WDR7: variants seen among roughly 807,000 people sequenced by gnomAD.
WDR7 encodes WD repeat-containing protein 7.
A neutral mutation model predicts 169.4 loss-of-function variants in WDR7; 46 were observed. That is an observed-to-expected ratio of 0.27 (90% CI 0.21 to 0.35). The LOEUF is 0.35. Ranked by LOEUF, WDR7 falls within the 10% of genes least tolerant of loss-of-function variation. The pLI, the probability that WDR7 is intolerant of heterozygous loss-of-function variation, is 1.00. For synonymous variants in WDR7, 612 were observed against 666.8 expected, an observed-to-expected ratio of 0.92 and a Z score of 1.27; for missense variants, 1,534 against 1,859.3, an observed-to-expected ratio of 0.83 and a Z score of 3.22.
At chr18:56,857,146 C>G (rs868647651) in intron 20 of WDR7, among the ~76,000 whole-genome samples, 42 of 152,114 alleles carry the variant, frequency 2.8e-4, no homozygotes, top group Non-Finnish European at 4.4e-4. Flanking sequence ...AATTACCTTT[C>G]TGTGTTTTTT....
intron 20 of WDR7, among the ~76,000 whole-genome samples, chr18:56,838,273 C>T (rs887356831): frequency 9.9e-5 from 15 of 151,700 alleles, no homozygotes; most frequent in Admixed American, 2.0e-4. Flanking sequence ...TATTTAAGTT[C>T]TTAGACATTT....
chr18:56,737,755 G>C (rs1049437043), intron 14 of WDR7, among the ~76,000 whole-genome samples: 3 of 152,156 alleles, frequency 2.0e-5, no homozygotes, highest in Admixed American at 6.5e-5. Context: ...ATGATTCACT[G>C]TGAAAAGGGC....
intron 20 of WDR7, among the ~76,000 whole-genome samples, chr18:56,858,499 G>A (rs934753751): frequency 4.0e-5 from 6 of 151,512 alleles, no homozygotes; most frequent in East Asian, 1.9e-4. Flanking sequence ...ATTTTTTAAT[G>A]TAGAGACAAG....
chr18:56,890,821 A>T (rs1399063240), intron 21 of WDR7: 1 of 152,142 alleles, frequency 6.6e-6, no homozygotes, highest in Non-Finnish European at 1.5e-5. Flanking sequence ...TCTCACTTGT[A>T]TTTTTATCTT....
At position 56,665,323 on chromosome 18, in the gene WDR7, A is replaced by G. The variant is rs960085457; in HGVS notation, c.-19-7174A>G. 1.9e-4 allele frequency among the ~76,000 whole-genome samples: 28 copies of G among 151,328 alleles called. No individual in the cohort carries two copies. The East Asian group carries it at 3.9e-3, about 21-fold the overall frequency. On this transcript the variant is annotated intron_variant, in intron 1 of 27. Coordinates refer to ENST00000254442, the MANE Select transcript of WDR7 (RefSeq NM_015285.3). ...AAAAAAAAAAAGAAGAAGAAGAAGA[A>G]CTTGGTGTAGGTGTATCTAGGCCAC...
intron 23 of WDR7, among the ~76,000 whole-genome samples, chr18:56,937,789 C>T (rs2046979931): frequency 1.3e-5 from 2 of 152,066 alleles, no homozygotes; most frequent in African/African-American, 4.8e-5. Context: ...CCCTAGCAGT[C>T]AAAAACCCAC....
At chr18:56,656,067 G>T (rs1354864670) in intron 1 of WDR7, among the ~76,000 whole-genome samples, 1 of 152,180 alleles carries the variant, frequency 6.6e-6, no homozygotes, top group Non-Finnish European at 1.5e-5. Context: ...AGTTTTGTGT[G>T]TGTGTGTGCG....
At chr18:56,791,756 C>T (rs1011970408) in intron 19 of WDR7, among the ~76,000 whole-genome samples, 4 of 152,154 alleles carry the variant, frequency 2.6e-5, no homozygotes, top group African/African-American at 9.7e-5. Flanking sequence ...CCAAGCTTTT[C>T]CCATTTAGAA....
intron 20 of WDR7, among the ~76,000 whole-genome samples, chr18:56,845,301 T>C (rs1318790685): frequency 6.6e-6 from 1 of 152,188 alleles, no homozygotes; most frequent in African/African-American, 2.4e-5. Context: ...TGCATAAAAC[T>C]TACTTTATTT....
chr18:57,025,587 G>A (rs969952310), intron 27 of WDR7, among the ~76,000 whole-genome samples: 8 of 152,238 alleles, frequency 5.3e-5, no homozygotes, highest in South Asian at 2.1e-4. Flanking sequence ...ATGTGACCTC[G>A]TACACTAGTG....
intron 19 of WDR7, among the ~76,000 whole-genome samples, chr18:56,794,086 A>T (rs1451197082): frequency 6.6e-6 from 1 of 152,094 alleles, no homozygotes; most frequent in Non-Finnish European, 1.5e-5. Context: ...ATTCTGTTTT[A>T]AAAACATTTG....
intron 26 of WDR7, among the ~76,000 whole-genome samples, chr18:56,985,781 T>C (rs919007205): frequency 7.9e-5 from 12 of 152,122 alleles, no homozygotes; most frequent in East Asian, 1.9e-4. Context: ...TAAGTATTGA[T>C]GGAAATTATA....
intron 14 of WDR7, 133 bp downstream of exon 14, chr18:56,731,730 G>T: frequency 2.5e-6 from 2 of 802,202 alleles, no homozygotes; most frequent in Non-Finnish European, 1.9e-6. Flanking sequence ...TTTTCATTTA[G>T]GTTTATCCAA....
chr18:56,708,352 A>G (rs1341775199), intron 12 of WDR7, among the ~76,000 whole-genome samples: 1 of 151,988 alleles, frequency 6.6e-6, no homozygotes, highest in Non-Finnish European at 1.5e-5. Flanking sequence ...ATTTCTTGTA[A>G]TGATATAGGT....
At chr18:56,989,365 A>T (rs1313538396) in intron 26 of WDR7, among the ~76,000 whole-genome samples, 1 of 152,140 alleles carries the variant, frequency 6.6e-6, no homozygotes, top group Non-Finnish European at 1.5e-5. Context: ...GAATTATCTT[A>T]TGGCTTTAAA....
At chr18:57,019,880 G>A (rs1022552615) in intron 26 of WDR7, among the ~76,000 whole-genome samples, 1 of 152,164 alleles carries the variant, frequency 6.6e-6, no homozygotes, top group Non-Finnish European at 1.5e-5. Flanking sequence ...CCTACAGCTT[G>A]TAAGCCAGAT....
chr18:56,987,536 A>T (rs2047742329), intron 26 of WDR7, among the ~76,000 whole-genome samples: 1 of 152,200 alleles, frequency 6.6e-6, no homozygotes, highest in Non-Finnish European at 1.5e-5. Flanking sequence ...GTGAATTGGA[A>T]AGCAGCTTCA....
chr18:56,740,793 T>A (rs550955665), intron 14 of WDR7, among the ~76,000 whole-genome samples: 1 of 152,176 alleles, frequency 6.6e-6, no homozygotes, highest in Non-Finnish European at 1.5e-5. Flanking sequence ...CTAGAGACAT[T>A]CTTAGTCTCC....
intron 18 of WDR7, among the ~76,000 whole-genome samples, chr18:56,780,986 TTA>T (rs1468066756): frequency 2.0e-5 from 3 of 152,236 alleles, no homozygotes; most frequent in Non-Finnish European, 4.4e-5. Flanking sequence ...AGTTATGCCT[TTA>T]TACAGGAATA....
Sources: gnomAD v4.1 joint callset for allele counts (sites outside exome capture counted in the v4.1 genomes callset) on GRCh38, gnomAD v4.1.1 for gene constraint, MANE v1.5 for transcripts, NCBI Gene and HGNC (gene_info 2026-07-23, HGNC 2026-07-21) for gene names.